DNAJC13: variants seen among roughly 807,000 people sequenced by gnomAD.
The protein encoded by DNAJC13 is dnaJ homolog subfamily C member 13.
Under a neutral mutation model 290.5 loss-of-function variants are expected in DNAJC13, and 75 were observed. The observed-to-expected ratio is 0.26, with a 90% CI of 0.21 to 0.31. The LOEUF (loss-of-function observed/expected upper bound fraction) is 0.31. DNAJC13 is among the 10% of genes least tolerant of loss of function. The pLI, the probability that DNAJC13 is intolerant of heterozygous loss-of-function variation, is 1.00. For synonymous variants in DNAJC13, 862 were observed against 892.0 expected (o/e 0.97, Z 0.60); for missense variants, 2,260 against 2,674.5 (o/e 0.85, Z 3.42).
At chr3:132,523,095 T>TAAAG in intron 49 of DNAJC13, 62 bp from the exon 50 acceptor site, 1 of 1,610,076 alleles carries the variant, frequency 6.2e-7, no homozygotes, top group Middle Eastern at 1.7e-4. Flanking sequence ...AAACTTATGC[T>TAAAG]AAAGGTTAAT....
At chr3:132,489,570 A>G (rs1051081287) in intron 31 of DNAJC13, among the ~76,000 whole-genome samples, 13 of 152,164 alleles carry the variant, frequency 8.5e-5, no homozygotes, top group African/African-American at 3.1e-4. Context: ...TATTGTTAAA[A>G]TGAAACTGAA....
At position 132,511,073 on chromosome 3, in the gene DNAJC13, A is replaced by G; in HGVS notation, c.5122A>G (p.Lys1708Glu). The change falls in exon 44 of 56, where the codon AAA becomes GAA. Residue 1708 changes from lysine to glutamate, a missense_variant. By Grantham distance (56) the Lys-to-Glu change is moderately conservative. This residue lies in a region of DNAJC13 where 1,494 missense variants were observed against 1,693.7 expected (regional missense o/e 0.88). Transcript: ENST00000260818. ...ACTTGTCTGCATTGATTAGGTTCCA[A>G]AAGCATTTGCTGCAAGTCTCTTGGA... ...EVPTFQLEVP[K>E]AFAASLLDYI... The G allele has an allele frequency of 6.2e-7, 1 of 1,613,784 alleles. No individual in the cohort carries two copies. Among genetic ancestry groups the G allele is most frequent in the South Asian group, 1.1e-5 (1 of 91,046 alleles).
chr3:132,434,637 T>C lies in DNAJC13; in HGVS notation c.68+19T>C. The C allele has an allele frequency of 1.9e-6, 3 of 1,566,748 alleles. No individual in the cohort carries two copies. The highest frequency in any genetic ancestry group is 2.6e-6 in the Non-Finnish European group (3 of 1,154,720). On this transcript the variant is annotated intron_variant, in intron 2 of 55. Coordinates refer to ENST00000260818, the MANE Select transcript of DNAJC13 (RefSeq NM_015268.4). Reference sequence around the variant, plus strand: ...GGGGGAAGTAAGTATTCTTGTTGGGTTTTTTTTTCTGTGCTTCTATAAAAT... The same window carrying C: ...GGGGGAAGTAAGTATTCTTGTTGGGCTTTTTTTTCTGTGCTTCTATAAAAT...
chr3:132,450,768 A>G lies in DNAJC13; in HGVS notation c.458A>G (p.Tyr153Cys). ...ATNRVLCSYDYRNIEGFVDLS... is the reference protein window; with the variant it reads ...ATNRVLCSYDCRNIEGFVDLS... ...AACAGAGTACTCTGTTCCTATGACT[A>G]TAGAAATATTGAAGGATTTGTAGAT... Residue 153 changes from tyrosine (Y) to cysteine (C), a missense_variant, in exon 6 of 56, where the codon TAT becomes TGT. This residue lies in a region of DNAJC13 where 762 missense variants were observed against 964.1 expected (regional missense o/e 0.79). Transcript: ENST00000260818. 1 of 1,610,458 alleles carries G rather than the reference A, an allele frequency of 6.2e-7. No individual in the cohort carries two copies.
At position 132,456,361 on chromosome 3, in the gene DNAJC13, A is replaced by G. The variant is rs745809733; in HGVS notation, c.1059A>G (p.Glu353=). 115 of 1,613,848 alleles carry G rather than the reference A, an allele frequency of 7.1e-5. 1 individual carries two copies. Among genetic ancestry groups the G allele is most frequent in the Non-Finnish European group, 7.9e-5 (93 of 1,179,898 alleles). The change falls in exon 10 of 56, where the codon GAA becomes GAG. Residue 353 remains glutamate, a synonymous_variant. Coordinates refer to ENST00000260818, the MANE Select transcript of DNAJC13 (RefSeq NM_015268.4). Reference sequence around the variant, plus strand: ...TACTCAGCATGCCTGTTGATGAGGAAGTAGAGAGCCTTCACCTCAGGTTCT... The same window carrying G: ...TACTCAGCATGCCTGTTGATGAGGAGGTAGAGAGCCTTCACCTCAGGTTCT... ...WGLLSMPVDE[E]VESLHLRFLA...
chr3:132,491,166 A>G, intron 32 of DNAJC13, 115 bp downstream of exon 32: 1 of 904,350 alleles, frequency 1.1e-6, no homozygotes, highest in Non-Finnish European at 1.6e-6. Context: ...ATCTAAAATG[A>G]CAGTAATCAT....
chr3:132,494,032 G>T, intron 33 of DNAJC13, 112 bp from the exon 34 acceptor site: 1 of 727,150 alleles, frequency 1.4e-6, no homozygotes, highest in Non-Finnish European at 2.2e-6. Context: ...GCTGTTAATT[G>T]GACAGCTAAA....
intron 55 of DNAJC13, among the ~76,000 whole-genome samples, chr3:132,534,639 T>C (rs7643914): frequency 0.59 from 89,374 of 152,050 alleles, 28,495 homozygotes; most frequent in East Asian, 0.87. Context: ...GAGCAAGACC[T>C]TGTCTCAAAA....
Position 132,483,584 on chromosome 3 carries a change from T to A in DNAJC13, c.3182+7T>A. The A allele has an allele frequency of 6.2e-7, 1 of 1,612,272 alleles. No individual in the cohort carries two copies. Among genetic ancestry groups the A allele is most frequent in the Non-Finnish European group, 8.5e-7 (1 of 1,178,380 alleles). ...GTGGATATTTTCCAAGCAGGTAAAATGTAATTGAATGTTTCCATGGTTAAT... is the reference window on the plus strand; with the variant it reads ...GTGGATATTTTCCAAGCAGGTAAAAAGTAATTGAATGTTTCCATGGTTAAT... On this transcript the variant is annotated splice_region_variant and intron_variant, in intron 28 of 55. Transcript: ENST00000260818.
At chr3:132,432,396 G>T (rs942413921) in intron 1 of DNAJC13, among the ~76,000 whole-genome samples, 3 of 151,924 alleles carry the variant, frequency 2.0e-5, no homozygotes, top group African/African-American at 4.8e-5. Flanking sequence ...GTAGAGATGG[G>T]GTTTCACCAT....
intron 29 of DNAJC13, 148 bp from the exon 30 acceptor site, chr3:132,488,150 G>T: frequency 1.8e-6 from 1 of 546,352 alleles, no homozygotes; most frequent in South Asian, 4.2e-5. Flanking sequence ...AATCTGTTGT[G>T]GGTCTGGTAG....
intron 48 of DNAJC13, among the ~76,000 whole-genome samples, chr3:132,519,838 C>G (rs1559910546): frequency 6.6e-6 from 1 of 152,002 alleles, no homozygotes; most frequent in Non-Finnish European, 1.5e-5. Context: ...GAAGACATAC[C>G]CAACACTGGG....
chr3:132,441,451 C>T (rs922001102), intron 2 of DNAJC13, among the ~76,000 whole-genome samples: 33 of 152,174 alleles, frequency 2.2e-4, no homozygotes, highest in African/African-American at 7.2e-4. Context: ...GAGTGTGTAA[C>T]ATAAAAGCTG....
chr3:132,506,422 A>G (rs943029414), intron 42 of DNAJC13, among the ~76,000 whole-genome samples: 3 of 150,978 alleles, frequency 2.0e-5, no homozygotes, highest in African/African-American at 4.9e-5. Context: ...AATTTATTCT[A>G]TACTTTTACA....
intron 1 of DNAJC13, among the ~76,000 whole-genome samples, chr3:132,432,057 T>G (rs974320428): frequency 1.3e-5 from 2 of 152,168 alleles, no homozygotes; most frequent in Non-Finnish European, 2.9e-5. Context: ...TCTGAAAAGT[T>G]TTTTCTAATT....
At chr3:132,465,699 G>GA (rs1553745304) in intron 17 of DNAJC13, among the ~76,000 whole-genome samples, 35 of 151,320 alleles carry the variant, frequency 2.3e-4, no homozygotes, top group African/African-American at 8.0e-4. Context: ...TGTTTTTGTT[G>GA]TTTTTTTTCT....
chr3:132,444,955 A>G (rs541838454), intron 2 of DNAJC13, among the ~76,000 whole-genome samples: 17 of 152,308 alleles, frequency 1.1e-4, no homozygotes, highest in Admixed American at 1.0e-3. Context: ...ACTTTTGTAT[A>G]TGGATATGTG....
chr3:132,481,899 T>A (rs1432868392), intron 26 of DNAJC13, among the ~76,000 whole-genome samples: 2 of 152,210 alleles, frequency 1.3e-5, no homozygotes, highest in Non-Finnish European at 2.9e-5. Flanking sequence ...TGCAATATTC[T>A]TTGCTACTAA....
chr3:132,507,016 T>A (rs774851020), intron 42 of DNAJC13, among the ~76,000 whole-genome samples: 3 of 152,180 alleles, frequency 2.0e-5, no homozygotes, highest in African/African-American at 4.8e-5. Context: ...CTCTGATCCT[T>A]TGAAATTTTA....
Sources: allele counts gnomAD v4.1 joint callset (sites outside exome capture counted in the v4.1 genomes callset), GRCh38; gene constraint gnomAD v4.1.1; regional missense constraint gnomAD v4.1.1; transcripts MANE v1.5; gene names NCBI Gene and HGNC (gene_info 2026-07-23, HGNC 2026-07-21).